The following PTPRG variants were observed in gnomAD, a reference collection of about 807,000 sequenced individuals.
PTPRG encodes the protein receptor-type tyrosine-protein phosphatase gamma.
A neutral mutation model predicts 165.3 loss-of-function variants in PTPRG; 102 were observed. That is an observed-to-expected ratio of 0.62 (90% CI 0.53 to 0.73). The LOEUF (loss-of-function observed/expected upper bound fraction) is 0.73. PTPRG is among the 30% of genes least tolerant of loss of function. PTPRG has a pLI of 0.00. For missense variants in PTPRG, 1,866 were observed against 1,861.4 expected (o/e 1.00, Z -0.05); for synonymous variants, 675 against 669.5 (o/e 1.01, Z -0.13).
intron 4 of PTPRG, among the ~76,000 whole-genome samples, chr3:62,064,165 C>T: frequency 6.6e-6 from 1 of 152,172 alleles, no homozygotes; most frequent in Non-Finnish European, 1.5e-5. Context: ...TTAGAGCCAG[C>T]AAGTGTTTTA....
intron 4 of PTPRG, among the ~76,000 whole-genome samples, chr3:62,021,569 G>C (rs2041692344): frequency 6.6e-6 from 1 of 152,172 alleles, no homozygotes. Flanking sequence ...TAGAATTAGT[G>C]ATCAGTCAGG....
chr3:61,928,879 C>T lies in PTPRG; in HGVS notation c.191-60746C>T, dbSNP rs80350736. ...TTGATTGGAGTCATACAGTGGTTCT[C>T]AACTAAAGGTGATTTTTCTCTTCCC... On this transcript the variant is annotated intron_variant, in intron 2 of 29. Transcript: ENST00000474889. Among the ~76,000 whole-genome samples the T allele has an allele frequency of 3.3e-3, 499 of 152,206 alleles. 27 individuals carry two copies. In the East Asian group the frequency reaches 0.086, roughly 26 times the overall value.
At chr3:61,747,532 C>T (rs2033258417) in intron 1 of PTPRG, among the ~76,000 whole-genome samples, 1 of 151,964 alleles carries the variant, frequency 6.6e-6, no homozygotes, top group Non-Finnish European at 1.5e-5. Context: ...TTCTTGTTTC[C>T]CTCTAAAGGG....
intron 3 of PTPRG, among the ~76,000 whole-genome samples, chr3:61,990,992 T>A (rs116312430): frequency 6.6e-6 from 1 of 152,076 alleles, no homozygotes; most frequent in Non-Finnish European, 1.5e-5. Context: ...TTTGAGATTA[T>A]TCATAGCTGA....
At chr3:61,632,750 C>A (rs940259050) in intron 1 of PTPRG, among the ~76,000 whole-genome samples, 3 of 152,172 alleles carry the variant, frequency 2.0e-5, no homozygotes, top group Non-Finnish European at 4.4e-5. Flanking sequence ...CATTTCTGAC[C>A]AATTATTTCA....
chr3:61,618,940 G>A (rs1701374968), intron 1 of PTPRG, among the ~76,000 whole-genome samples: 1 of 140,508 alleles, frequency 7.1e-6, no homozygotes, highest in Non-Finnish European at 1.5e-5. Context: ...CCAGGAGTTC[G>A]AGACCAGCCT....
At chr3:61,626,077 T>G (rs781409328) in intron 1 of PTPRG, among the ~76,000 whole-genome samples, 3 of 151,970 alleles carry the variant, frequency 2.0e-5, no homozygotes, top group Non-Finnish European at 4.4e-5. Flanking sequence ...TAGGGGCTTG[T>G]CTTCAAATAA....
chr3:61,918,349 G>A (rs2038992044), intron 2 of PTPRG, among the ~76,000 whole-genome samples: 1 of 151,884 alleles, frequency 6.6e-6, no homozygotes, highest in Non-Finnish European at 1.5e-5. Flanking sequence ...ATCAGTTATT[G>A]AATGGGAAAT....
intron 1 of PTPRG, among the ~76,000 whole-genome samples, chr3:61,634,739 C>A (rs1426048380): frequency 6.6e-6 from 1 of 152,068 alleles, no homozygotes; most frequent in Non-Finnish European, 1.5e-5. Flanking sequence ...CAGAGTTAAC[C>A]GAGAAGAATG....
At chr3:61,891,205 C>A (rs2038205264) in intron 2 of PTPRG, among the ~76,000 whole-genome samples, 1 of 152,076 alleles carries the variant, frequency 6.6e-6, no homozygotes, top group Non-Finnish European at 1.5e-5. Flanking sequence ...GTAATCCCAG[C>A]TACTCAGGAG....
chr3:61,866,967 T>C (rs1323939135), intron 2 of PTPRG, among the ~76,000 whole-genome samples: 1 of 152,128 alleles, frequency 6.6e-6, no homozygotes, highest in Non-Finnish European at 1.5e-5. Context: ...TGCTAGAGCC[T>C]GAGTTCAGGG....
intron 4 of PTPRG, among the ~76,000 whole-genome samples, chr3:62,058,348 T>A (rs942364236): frequency 1.3e-4 from 20 of 152,266 alleles, no homozygotes; most frequent in East Asian, 5.8e-4. Flanking sequence ...TATTATTATT[T>A]TTTTTAGAGA....
intron 2 of PTPRG, among the ~76,000 whole-genome samples, chr3:61,796,952 A>T (rs2035065002): frequency 6.6e-6 from 1 of 152,166 alleles, no homozygotes; most frequent in African/African-American, 2.4e-5. Flanking sequence ...CATTGTGTTC[A>T]TCTGTTTTCT....
intron 1 of PTPRG, among the ~76,000 whole-genome samples, chr3:61,728,204 A>C (rs1249715599): frequency 6.6e-6 from 1 of 152,202 alleles, no homozygotes; most frequent in Non-Finnish European, 1.5e-5. Context: ...AGTTAGGTGG[A>C]CATGCCTCTG....
intron 2 of PTPRG, among the ~76,000 whole-genome samples, chr3:61,890,370 A>T (rs1009421155): frequency 4.0e-5 from 6 of 148,220 alleles, no homozygotes; most frequent in African/African-American, 1.5e-4. Context: ...GGCGATGGTC[A>T]GTGGAAGTAT....
At chr3:62,178,187 A>C (rs917738922) in intron 8 of PTPRG, among the ~76,000 whole-genome samples, 2 of 151,358 alleles carry the variant, frequency 1.3e-5, no homozygotes, top group Admixed American at 6.6e-5. Context: ...GGATGGATGC[A>C]CATGTGGATC....
chr3:62,248,208 A>C (rs1169742899), intron 15 of PTPRG, among the ~76,000 whole-genome samples: 2 of 152,184 alleles, frequency 1.3e-5, no homozygotes, highest in Non-Finnish European at 2.9e-5. Flanking sequence ...AGGTAGTATC[A>C]ATTATTTTAT....
rs532177245 is a variant in PTPRG at position 61,722,588 on chromosome 3, C to T, written c.86-26290C>T. 2.1e-4 allele frequency among the ~76,000 whole-genome samples: 32 copies of T among 152,246 alleles called. No individual in the cohort carries two copies. In the East Asian group the frequency reaches 6.2e-3, roughly 29 times the overall value. Reference sequence around the variant, plus strand: ...GGAACTCTGTTTATGCATAAGTCTTCCTGCAAGGCTTATATTTAAAGCAAC... The same window carrying T: ...GGAACTCTGTTTATGCATAAGTCTTTCTGCAAGGCTTATATTTAAAGCAAC... On this transcript the variant is annotated intron_variant, in intron 1 of 29. Transcript: ENST00000474889.
Position 62,224,843 on chromosome 3 carries a change from T to G in PTPRG, c.2288+5860T>G, listed in dbSNP as rs1700725650. On this transcript the variant is annotated intron_variant, in intron 13 of 29. Coordinates refer to ENST00000474889, the MANE Select transcript of PTPRG (RefSeq NM_002841.4). This position sits in a 1 kb window ranked among gnomAD's most constrained non-coding sequence, Gnocchi z 4.9. ...GCTGTTTCAGGTAGGACACTATAGT[T>G]CTCCCTTGAATGTCCCTCGCAAAGG... 6.6e-6 allele frequency among the ~76,000 whole-genome samples: 1 copy of G among 152,102 alleles called. No individual in the cohort carries two copies. The highest frequency in any genetic ancestry group is 2.4e-5 in the African/African-American group (1 of 41,414).
Sources: allele counts gnomAD v4.1 joint callset (sites outside exome capture counted in the v4.1 genomes callset), GRCh38; gene constraint gnomAD v4.1.1; non-coding constraint Gnocchi (gnomAD v3.1); transcripts MANE v1.5; gene names NCBI Gene and HGNC (gene_info 2026-07-23, HGNC 2026-07-21).